Variants in CTIF observed in about 807,000 individuals in gnomAD.
CTIF encodes the protein cap binding complex dependent translation initiation factor.
CTIF carries 21 observed loss-of-function variants against 66.0 expected under a neutral mutation model. That is an observed-to-expected ratio of 0.32 (90% CI 0.23 to 0.46). The LOEUF (loss-of-function observed/expected upper bound fraction) is 0.46. Among genes scored for constraint, CTIF ranks in the 20% least tolerant of loss-of-function variants. The pLI is 1.00. For missense variants in CTIF, 739 were observed against 812.7 expected, an observed-to-expected ratio of 0.91 and a Z score of 1.10; for synonymous variants, 345 against 326.4, an observed-to-expected ratio of 1.06 and a Z score of -0.62.
At chr18:48,623,199 G>T (rs1016122408) in intron 2 of CTIF, among the ~76,000 whole-genome samples, 1 of 152,230 alleles carries the variant, frequency 6.6e-6, no homozygotes, top group African/African-American at 2.4e-5. Context: ...GTGTGGTGTG[G>T]AGAACACCTG....
rs564867662 is a variant in CTIF at position 48,701,254 on chromosome 18, CT to C, written c.508-10364del. On this transcript the variant is annotated intron_variant, in intron 6 of 11. Transcript: ENST00000256413. ...ACATTTCTTGGGCGTCTTTCTGCCC[CT>C]GGTCTGCAGCAGCTTGAAGGCATTG... Among the ~76,000 whole-genome samples, 350 of 152,270 alleles carry C rather than the reference CT, an allele frequency of 2.3e-3. 2 individuals are homozygous for C. Among genetic ancestry groups the C allele is most frequent in the African/African-American group, 7.8e-3 (324 of 41,534 alleles).
At chr18:48,819,488 G>A (rs1157752061) in intron 10 of CTIF, among the ~76,000 whole-genome samples, 2 of 152,182 alleles carry the variant, frequency 1.3e-5, no homozygotes, top group East Asian at 1.9e-4. Context: ...CCTCCGAGAG[G>A]GAGGCAAGGC....
At chr18:48,560,183 ACCCTACTTCT>A (rs1441824816) in intron 1 of CTIF, among the ~76,000 whole-genome samples, 2 of 150,548 alleles carry the variant, frequency 1.3e-5, no homozygotes, top group African/African-American at 4.9e-5. Flanking sequence ...GGGGACACAG[ACCCTACTTCT>A]TGTTAGGAGG....
At chr18:48,575,706 G>C (rs905612507) in intron 1 of CTIF, among the ~76,000 whole-genome samples, 2 of 152,216 alleles carry the variant, frequency 1.3e-5, no homozygotes, top group Non-Finnish European at 2.9e-5. Context: ...GACCGGGGCC[G>C]TCCTAAAGCC....
At chr18:48,716,912 G>T (rs1043244424) in intron 7 of CTIF, among the ~76,000 whole-genome samples, 3 of 152,198 alleles carry the variant, frequency 2.0e-5, no homozygotes, top group Non-Finnish European at 2.9e-5. Context: ...AAGAGAAAAA[G>T]ACCTTAGCCA....
At chr18:48,683,585 G>A (rs2091784324) in intron 6 of CTIF, among the ~76,000 whole-genome samples, 2 of 151,974 alleles carry the variant, frequency 1.3e-5, no homozygotes, top group Non-Finnish European at 2.9e-5. Context: ...ATGTAGTCTT[G>A]TGTTCTCCAA....
intron 1 of CTIF, among the ~76,000 whole-genome samples, chr18:48,608,207 G>A (rs1335601984): frequency 6.6e-6 from 1 of 152,172 alleles, no homozygotes; most frequent in Non-Finnish European, 1.5e-5. Flanking sequence ...TGATTGCCTG[G>A]TCTGAAGGGG....
At chr18:48,709,027 C>T (rs1046275878) in intron 6 of CTIF, among the ~76,000 whole-genome samples, 6 of 152,156 alleles carry the variant, frequency 3.9e-5, no homozygotes, top group Non-Finnish European at 5.9e-5. Flanking sequence ...GACAATGAGG[C>T]TTACTATGTA....
At chr18:48,817,131 C>T (rs1242016791) in intron 9 of CTIF, 90 bp from the exon 10 acceptor site, 6 of 1,341,812 alleles carry the variant, frequency 4.5e-6, no homozygotes, top group Non-Finnish European at 6.1e-6. Flanking sequence ...CAGGAGCAGC[C>T]CCAAGACAAC....
intron 1 of CTIF, among the ~76,000 whole-genome samples, chr18:48,553,717 G>T (rs1342833392): frequency 2.0e-5 from 3 of 150,644 alleles, no homozygotes; most frequent in Non-Finnish European, 4.4e-5. Flanking sequence ...GTGCAGTGGC[G>T]TGATCTCAGC....
At chr18:48,574,793 T>G (rs150612627) in intron 1 of CTIF, among the ~76,000 whole-genome samples, 70 of 152,288 alleles carry the variant, frequency 4.6e-4, no homozygotes, top group African/African-American at 1.6e-3. Context: ...ACTCGATCAA[T>G]GTTAGCTCTT....
intron 7 of CTIF, among the ~76,000 whole-genome samples, chr18:48,726,166 A>G (rs574437836): frequency 6.6e-6 from 1 of 152,360 alleles, no homozygotes; most frequent in South Asian, 2.1e-4. Flanking sequence ...TTTGTGTTTG[A>G]ATCACACATG....
intron 6 of CTIF, among the ~76,000 whole-genome samples, chr18:48,702,265 T>A (rs898656338): frequency 2.0e-5 from 3 of 152,206 alleles, no homozygotes; most frequent in Non-Finnish European, 4.4e-5. Flanking sequence ...AAGGAAGTCT[T>A]GCCCATTCCA....
chr18:48,639,095 T>G (rs1018133956), intron 3 of CTIF, among the ~76,000 whole-genome samples: 1 of 152,184 alleles, frequency 6.6e-6, no homozygotes, highest in African/African-American at 2.4e-5. Flanking sequence ...GGTGCCGTGT[T>G]GGTCTTGGGT....
chr18:48,735,601 A>G (rs2092494058), intron 7 of CTIF, among the ~76,000 whole-genome samples: 1 of 152,000 alleles, frequency 6.6e-6, no homozygotes, highest in African/African-American at 2.4e-5. Context: ...GGAGGTGAGG[A>G]CAGGGTGTTT....
Position 48,761,155 on chromosome 18 carries a change from GAACCCAAA to G in CTIF, c.1072-231_1072-224del, listed in dbSNP as rs1165683104. On this transcript the variant is annotated intron_variant, in intron 8 of 11. Transcript: ENST00000256413. This position sits in a 1 kb window ranked among gnomAD's most constrained non-coding sequence, Gnocchi z 4.2. ...ATATGAGAATCCTGGGTAGGAGCTA[GAACCCAAA>G]AACAGTATCAGCCCTGGATGTCATA... 8.2e-6 allele frequency: 4 copies of G among 489,752 alleles called. No individual in the cohort carries two copies. Among genetic ancestry groups the G allele is most frequent in the African/African-American group, 1.9e-5 (1 of 52,090 alleles). The allele number at this position is 489,752 out of a possible 1,614,324, so 30.3% of individuals were successfully genotyped here.
chr18:48,830,428 T>C (rs1389174629), intron 10 of CTIF, among the ~76,000 whole-genome samples: 1 of 152,082 alleles, frequency 6.6e-6, no homozygotes, highest in African/African-American at 2.4e-5. Context: ...CCTCCCAAGG[T>C]GCTGGGATTA....
chr18:48,677,079 A>G (rs1029767359), intron 6 of CTIF, among the ~76,000 whole-genome samples: 2 of 152,022 alleles, frequency 1.3e-5, no homozygotes, highest in Non-Finnish European at 2.9e-5. Flanking sequence ...TCCAGATGAG[A>G]AGGAGTAACT....
In CTIF at chr18:48,859,730, A is replaced by G. The variant is rs1231035560; in HGVS notation, c.*171A>G. On this transcript the variant is annotated 3_prime_UTR_variant, in exon 12 of 12. Coordinates refer to ENST00000256413, the MANE Select transcript of CTIF (RefSeq NM_014772.3). Reference sequence around the variant, plus strand: ...AGACGGGGAAGGGAGCAAATCCCTGAGAGGAGTGCCCCCGCACAAGCCCCC... The same window carrying G: ...AGACGGGGAAGGGAGCAAATCCCTGGGAGGAGTGCCCCCGCACAAGCCCCC... 4.3e-6 allele frequency: 3 copies of G among 705,598 alleles called. No homozygotes were observed. The highest frequency in any genetic ancestry group is 5.1e-6 in the Non-Finnish European group (2 of 390,184). The allele number at this position is 705,598 out of a possible 1,614,324, so 43.7% of individuals were successfully genotyped here. A position where few individuals can be genotyped will look rare whatever the true frequency, so the allele number is the denominator to read the frequency against.
Sources: allele counts gnomAD v4.1 joint callset (sites outside exome capture counted in the v4.1 genomes callset), GRCh38; gene constraint gnomAD v4.1.1; non-coding constraint Gnocchi (gnomAD v3.1); transcripts MANE v1.5; gene names NCBI Gene and HGNC (gene_info 2026-07-23, HGNC 2026-07-21).